Variants in FAM120B observed in about 807,000 individuals in gnomAD.
FAM120B encodes the protein constitutive coactivator of peroxisome proliferator-activated receptor gamma.
Under a neutral mutation model 96.3 loss-of-function variants are expected in FAM120B, and 83 were observed. The observed-to-expected ratio is 0.86, with a 90% CI of 0.72 to 1.03. The LOEUF (loss-of-function observed/expected upper bound fraction) is 1.03, where lower values mean the gene tolerates loss of function less well. Among genes scored for constraint, FAM120B ranks in the 50% least tolerant of loss-of-function variants. The probability of loss-of-function intolerance (pLI) is 0.00; values close to 1 mark genes in which losing one functional copy is unlikely to be tolerated. For synonymous variants in FAM120B, 407 were observed against 402.7 expected (o/e 1.01, Z -0.13); for missense variants, 1,027 against 1,121.2 (o/e 0.92, Z 1.20).
At chr6:170,358,003 T>C (rs1471104951) in intron 5 of FAM120B, among the ~76,000 whole-genome samples, 1 of 152,166 alleles carries the variant, frequency 6.6e-6, no homozygotes, top group Non-Finnish European at 1.5e-5. Context: ...CCTGTGTGTG[T>C]ACATGTGTGC....
rs369624213 is a variant in FAM120B at position 170,299,261 on chromosome 6, ACTT to A, written c.48+3815_48+3817del. On this transcript the variant is annotated intron_variant, in intron 1 of 10. Coordinates refer to the FAM120B transcript ENST00000537664. ...TAATATAGGCTTACTCATCATTTCT[ACTT>A]CTTCTTTGTTCAGGTTTGGTGATTT... 1.1e-4 allele frequency among the ~76,000 whole-genome samples: 16 copies of A among 152,168 alleles called. 1 individual carries two copies. In the East Asian group the frequency reaches 1.9e-3, roughly 18 times the overall value.
intron 4 of FAM120B, among the ~76,000 whole-genome samples, chr6:170,333,495 C>T (rs908040704): frequency 6.6e-6 from 1 of 151,196 alleles, no homozygotes; most frequent in African/African-American, 2.4e-5. Flanking sequence ...TATTTACATG[C>T]ATATATTTCT....
intron 1 of FAM120B, among the ~76,000 whole-genome samples, chr6:170,299,397 G>A (rs921466489): frequency 6.6e-6 from 1 of 152,204 alleles, no homozygotes; most frequent in Non-Finnish European, 1.5e-5. Flanking sequence ...GATGCGCAAT[G>A]TGTGTCTTCT....
At chr6:170,349,122 G>A (rs866447915) in intron 5 of FAM120B, among the ~76,000 whole-genome samples, 1 of 152,136 alleles carries the variant, frequency 6.6e-6, no homozygotes, top group African/African-American at 2.4e-5. Flanking sequence ...CCATCTCCCA[G>A]CCCCTCTTTC....
At chr6:170,342,773 T>TG (rs1208176796) in intron 4 of FAM120B, among the ~76,000 whole-genome samples, 1 of 152,264 alleles carries the variant, frequency 6.6e-6, no homozygotes, top group African/African-American at 2.4e-5. Context: ...GAAGTGATGC[T>TG]GGTGGGTGAC....
At chr6:170,348,411 C>A in intron 5 of FAM120B, 88 bp downstream of exon 5, 2 of 1,237,710 alleles carry the variant, frequency 1.6e-6, no homozygotes, top group South Asian at 1.4e-5. Context: ...GCTGGTGTCC[C>A]GGATTGTCTT....
intron 4 of FAM120B, among the ~76,000 whole-genome samples, chr6:170,332,920 A>G (rs1420330602): frequency 2.0e-5 from 3 of 151,840 alleles, no homozygotes; most frequent in Admixed American, 6.6e-5. Context: ...CTTTTTTTTT[A>G]AAGTCTTTTT....
At chr6:170,320,986 C>T (rs1472472595) in intron 2 of FAM120B, among the ~76,000 whole-genome samples, 2 of 152,154 alleles carry the variant, frequency 1.3e-5, no homozygotes, top group Non-Finnish European at 2.9e-5. Context: ...CAGAGAGTTA[C>T]TGCAGCACAG....
rs1787331492 is a variant in FAM120B, at chr6:170,348,202, A to G, written c.2069A>G (p.Gln690Arg). The G allele has an allele frequency of 1.2e-6, 2 of 1,614,110 alleles. No homozygotes were observed. ...TGGCTGAACCAAGAGCCAGAAATAC[A>G]GGTTCGGCGCTTGGACACACTCCTA... ...ILWLNQEPEI[Q>R]VRRLDTLLAC... The change falls in exon 5 of 11, where the codon CAG becomes CGG. Residue 690 changes from glutamine (Q) to arginine (R), a missense_variant. Coordinates refer to ENST00000476287, the MANE Select transcript of FAM120B (RefSeq NM_032448.3).
At chr6:170,316,446 G>A (rs1057148517) in intron 1 of FAM120B, among the ~76,000 whole-genome samples, 1 of 152,190 alleles carries the variant, frequency 6.6e-6, no homozygotes, top group African/African-American at 2.4e-5. Flanking sequence ...AAAAATGTCA[G>A]CACGGAGTTT....
intron 6 of FAM120B, among the ~76,000 whole-genome samples, chr6:170,387,134 G>A (rs9460129): frequency 0.59 from 90,117 of 151,954 alleles, 27,480 homozygotes; most frequent in South Asian, 0.67. Flanking sequence ...TTTTAAAAAC[G>A]AGTGTTGTTT....
At chr6:170,341,160 A>C (rs764740247) in intron 4 of FAM120B, among the ~76,000 whole-genome samples, 54 of 152,180 alleles carry the variant, frequency 3.5e-4, no homozygotes, top group Non-Finnish European at 7.4e-5. Flanking sequence ...TTTATCTATA[A>C]GCCCCTGACT....
chr6:170,296,786 G>C (rs1784021938), intron 1 of FAM120B, among the ~76,000 whole-genome samples: 1 of 152,108 alleles, frequency 6.6e-6, no homozygotes, highest in African/African-American at 2.4e-5. Context: ...AGGCCCCTCG[G>C]TACGGGCCCC....
intron 6 of FAM120B, among the ~76,000 whole-genome samples, chr6:170,381,585 A>G (rs1789903429): frequency 6.6e-6 from 1 of 152,198 alleles, no homozygotes; most frequent in South Asian, 2.1e-4. Flanking sequence ...ATAGAAAACT[A>G]CAGGCCATTA....
chr6:170,395,519 A>G lies in FAM120B; in HGVS notation c.2632A>G (p.Arg878Gly), dbSNP rs139370923. 3.0e-5 allele frequency: 48 copies of G among 1,600,422 alleles called. No individual in the cohort carries two copies. Among genetic ancestry groups the G allele is most frequent in the Non-Finnish European group, 2.4e-5 (28 of 1,173,652 alleles). The stretch of plus-strand genomic sequence containing the variant: ...GGGAAGACAGGGCTCCAGCTACCAC[A>G]GGACGGGCTCTGGGTATAGCCGTTC... The part of the protein sequence containing the change: ...RWGRQGSSYH[R>G]TGSGYSRSSQ... Residue 878 changes from arginine (R) to glycine (G), a missense_variant, in exon 9 of 11, where the codon AGG becomes GGG. Arg to Gly is a moderately radical substitution (Grantham distance 125). Around this residue, in one of 3 missense-constraint regions of FAM120B, gnomAD observed 142 missense variants for 122.5 expected, o/e 1.16. Transcript: ENST00000476287.
chr6:170,310,678 G>A (rs1784537846), intron 1 of FAM120B, among the ~76,000 whole-genome samples: 1 of 152,212 alleles, frequency 6.6e-6, no homozygotes, highest in African/African-American at 2.4e-5. Flanking sequence ...AACTGATAAT[G>A]TGCTCTAATC....
At chr6:170,381,806 TA>T (rs879410281) in intron 6 of FAM120B, among the ~76,000 whole-genome samples, 2,653 of 140,928 alleles carry the variant, frequency 0.019, 79 homozygotes, top group African/African-American at 0.06. Context: ...CATTCATGGT[TA>T]AAAAAAAAAA....
At chr6:170,340,876 C>A (rs926570385) in intron 4 of FAM120B, among the ~76,000 whole-genome samples, 6 of 152,210 alleles carry the variant, frequency 3.9e-5, no homozygotes, top group African/African-American at 1.4e-4. Context: ...CCTAAAGGGG[C>A]ACTGACCAGA....
chr6:170,315,635 G>T (rs1450942319), intron 1 of FAM120B, among the ~76,000 whole-genome samples: 1 of 151,698 alleles, frequency 6.6e-6, no homozygotes, highest in African/African-American at 2.4e-5. Flanking sequence ...AACTTTATGA[G>T]CAAGCCTTCT....
Sources: allele counts gnomAD v4.1 joint callset (sites outside exome capture counted in the v4.1 genomes callset), GRCh38; gene constraint gnomAD v4.1.1; regional missense constraint gnomAD v4.1.1; transcripts MANE v1.5; gene names NCBI Gene and HGNC (gene_info 2026-07-23, HGNC 2026-07-21).